The following CD4 variants were observed in gnomAD, a reference collection of about 807,000 sequenced individuals.
CD4 encodes CD4 molecule.
A neutral mutation model predicts 50.5 loss-of-function variants in CD4; 25 were observed. The ratio of observed to expected loss-of-function variants is 0.49; its 90% CI spans 0.36 to 0.69. The LOEUF (loss-of-function observed/expected upper bound fraction) is 0.69, where lower values mean the gene tolerates loss of function less well. CD4 is among the 30% of genes least tolerant of loss of function. The pLI, the probability that CD4 is intolerant of heterozygous loss-of-function variation, is 0.00. For missense variants in CD4, 456 were observed against 548.5 expected, an observed-to-expected ratio of 0.83 and a Z score of 1.68; for synonymous variants, 207 against 221.9, an observed-to-expected ratio of 0.93 and a Z score of 0.60.
At position 6,816,357 on chromosome 12, in the gene CD4, G is replaced by C; in HGVS notation, c.909G>C (p.Ala303=). 6.2e-7 allele frequency: 1 copy of C among 1,614,060 alleles called. No individual in the cohort carries two copies. The highest frequency in any genetic ancestry group is 1.1e-5 in the South Asian group (1 of 91,084). The change falls in exon 6 of 10, where the codon GCG becomes GCC. Residue 303 remains alanine, a synonymous_variant. Coordinates refer to ENST00000011653, the MANE Select transcript of CD4 (RefSeq NM_000616.5). The surrounding 1 kb of genome is among the most constrained non-coding windows in gnomAD (Gnocchi z 4.9). ...GAAACCTCACCCTGGCCCTTGAAGC[G>C]AAAACAGGAAAGTTGCATCAGGAAG... ...GSGNLTLALE[A]KTGKLHQEVN...
chr12:6,796,842 A>G (rs566779525), intron 1 of CD4, among the ~76,000 whole-genome samples: 1 of 152,238 alleles, frequency 6.6e-6, no homozygotes, highest in Admixed American at 6.5e-5. Context: ...GTGGATCTAA[A>G]CTAAAAATAA....
At chr12:6,800,617 C>T (rs1214065896) in intron 3 of CD4, 146 bp downstream of exon 3, 26 of 626,602 alleles carry the variant, frequency 4.1e-5, no homozygotes, top group Non-Finnish European at 6.2e-5. Flanking sequence ...TCCAGAGTTT[C>T]TCTACACCAA....
At chr12:6,794,717 A>G (rs1403568524) in intron 1 of CD4, among the ~76,000 whole-genome samples, 1 of 129,080 alleles carries the variant, frequency 7.7e-6, no homozygotes, top group Non-Finnish European at 1.7e-5. Context: ...TAATTCATCT[A>G]TTTTATCTGT....
chr12:6,815,936 G>A (rs1054208999), intron 5 of CD4, 120 bp from the exon 6 acceptor site: 1 of 1,530,634 alleles, frequency 6.5e-7, no homozygotes, highest in Non-Finnish European at 8.8e-7. Context: ...AAGTGACAAG[G>A]TGGGTGTCTG....
Position 6,819,316 on chromosome 12 carries a change from G to GT in CD4, c.1365dup (p.Ser456Ter), listed in dbSNP as rs782204027. 13 of 1,613,994 alleles carry GT rather than the reference G, an allele frequency of 8.1e-6. No homozygotes were observed. The highest frequency in any genetic ancestry group is 9.3e-6 in the Non-Finnish European group (11 of 1,179,986). On this transcript the variant is annotated frameshift_variant, in exon 10 of 10. Transcript: ENST00000011653. LOFTEE classifies it high-confidence loss of function. ...TCCTGCAGCCGGTTTCAGAAGACAT[G>GT]TAGCCCCATTTGAGGCACGAGGCCA...
intron 1 of CD4, among the ~76,000 whole-genome samples, chr12:6,796,703 C>T (rs924089561): frequency 1.4e-4 from 22 of 152,334 alleles, no homozygotes; most frequent in African/African-American, 5.3e-4. Flanking sequence ...TTCGACCTGC[C>T]TGTCAATATT....
At chr12:6,815,915 T>G in intron 5 of CD4, 141 bp from the exon 6 acceptor site, 2 of 1,518,034 alleles carry the variant, frequency 1.3e-6, no homozygotes, top group Non-Finnish European at 1.8e-6. Flanking sequence ...AGGAAGGAAC[T>G]GAAGTATCTG....
In CD4 at chr12:6,814,825, C is replaced by T; in HGVS notation, c.440C>T (p.Pro147Leu). 2 of 1,613,604 alleles carry T rather than the reference C, an allele frequency of 1.2e-6. No homozygotes were observed. The highest frequency in any genetic ancestry group is 1.7e-6 in the Non-Finnish European group (2 of 1,179,758). ...CTGACCCTGACCTTGGAGAGCCCCC[C>T]TGGTAGTAGCCCCTCAGTGCAATGT... Reference protein sequence around the residue: ...QSLTLTLESPPGSSPSVQCRS... With the variant: ...QSLTLTLESPLGSSPSVQCRS... Residue 147 changes from proline (P) to leucine (L), a missense_variant, in exon 5 of 10, where the codon CCT (proline) becomes CTT (leucine). Pro to Leu is a moderately conservative substitution (Grantham distance 98). Transcript: ENST00000011653.
chr12:6,817,857 T>A (rs1943129844), intron 7 of CD4, among the ~76,000 whole-genome samples: 1 of 151,272 alleles, frequency 6.6e-6, no homozygotes, highest in African/African-American at 2.4e-5. Flanking sequence ...ACACATGTAC[T>A]CACACATGCA....
intron 1 of CD4, among the ~76,000 whole-genome samples, chr12:6,797,117 A>G (rs1476996770): frequency 2.0e-5 from 3 of 152,146 alleles, no homozygotes; most frequent in African/African-American, 7.2e-5. Flanking sequence ...GGGGCCGAGG[A>G]TCTGCATTTC....
chr12:6,801,706 G>A (rs1342755443), intron 3 of CD4, among the ~76,000 whole-genome samples: 7 of 150,464 alleles, frequency 4.7e-5, no homozygotes, highest in African/African-American at 7.3e-5. Flanking sequence ...GACTACAGGC[G>A]TATGCCACCA....
intron 3 of CD4, among the ~76,000 whole-genome samples, chr12:6,803,999 T>C (rs1187482210): frequency 4.0e-5 from 6 of 151,032 alleles, no homozygotes; most frequent in African/African-American, 1.5e-4. Flanking sequence ...TAGTCCCAGC[T>C]ACTTGGGAGG....
At chr12:6,803,332 G>A (rs1942620896) in intron 3 of CD4, among the ~76,000 whole-genome samples, 1 of 151,538 alleles carries the variant, frequency 6.6e-6, no homozygotes, top group Non-Finnish European at 1.5e-5. Context: ...TGCATTTTTA[G>A]TAGATGGGGT....
intron 3 of CD4, among the ~76,000 whole-genome samples, chr12:6,802,327 T>C (rs1315775166): frequency 6.6e-6 from 1 of 151,726 alleles, no homozygotes; most frequent in East Asian, 1.9e-4. Flanking sequence ...ATCTTTTTTT[T>C]TTTTTTTCTT....
At chr12:6,810,604 C>T (rs782784672) in intron 3 of CD4, among the ~76,000 whole-genome samples, 115 of 152,182 alleles carry the variant, frequency 7.6e-4, no homozygotes, top group African/African-American at 2.7e-3. Flanking sequence ...GGGACAACAC[C>T]TAAATGTAGA....
At chr12:6,806,812 A>G (rs1057493711) in intron 3 of CD4, among the ~76,000 whole-genome samples, 1 of 152,326 alleles carries the variant, frequency 6.6e-6, no homozygotes, top group African/African-American at 2.4e-5. Flanking sequence ...CATTCTTCCA[A>G]TATTGGTGGG....
Position 6,819,300 on chromosome 12 carries a change from C to G in CD4, c.1348C>G (p.Arg450Gly), listed in dbSNP as rs782208003. The G allele has an allele frequency of 3.1e-6, 5 of 1,613,988 alleles. No homozygotes were observed. The Admixed American group carries it at 8.3e-5, about 27-fold the overall frequency. The change falls in exon 10 of 10, where the codon CGG (arginine) becomes GGG (glycine). Residue 450 changes from arginine to glycine, a missense_variant and splice_region_variant. By Grantham distance (125) the Arg-to-Gly change is moderately radical. Coordinates refer to ENST00000011653, the MANE Select transcript of CD4 (RefSeq NM_000616.5). ...TCCCCTTCTTCTTTGTTCCTGCAGC[C>G]GGTTTCAGAAGACATGTAGCCCCAT... ...SEKKTCQCPH[R>G]FQKTCSPI
chr12:6,802,757 G>C (rs1202786612), intron 3 of CD4, among the ~76,000 whole-genome samples: 1 of 150,946 alleles, frequency 6.6e-6, no homozygotes, highest in Admixed American at 6.6e-5. Context: ...TTTTTTTTGA[G>C]ACGGAGTCTC....
intron 7 of CD4, among the ~76,000 whole-genome samples, chr12:6,817,754 TAC>T (rs1476617361): frequency 9.2e-6 from 1 of 108,656 alleles, no homozygotes; most frequent in Non-Finnish European, 1.7e-5. Context: ...CACACACTCA[TAC>T]ACACACTACA....
Sources: gnomAD v4.1 joint callset for allele counts (sites outside exome capture counted in the v4.1 genomes callset) on GRCh38, gnomAD v4.1.1 for gene constraint, Gnocchi (gnomAD v3.1) non-coding constraint, MANE v1.5 for transcripts, NCBI Gene and HGNC (gene_info 2026-07-23, HGNC 2026-07-21) for gene names.